Variants in UBR3 observed in about 807,000 individuals in gnomAD.
UBR3 encodes the protein ubiquitin protein ligase E3 component n-recognin 3.
UBR3 carries 85 observed loss-of-function variants against 243.2 expected under a neutral mutation model. The ratio of observed to expected loss-of-function variants is 0.35; its 90% CI spans 0.29 to 0.42. UBR3 has a LOEUF of 0.42. Among genes scored for constraint, UBR3 ranks in the 10% least tolerant of loss-of-function variants. The pLI, the probability that UBR3 is intolerant of heterozygous loss-of-function variation, is 1.00. For synonymous variants in UBR3, 748 were observed against 799.8 expected (o/e 0.94, Z 1.09); for missense variants, 1,686 against 2,300.8 (o/e 0.73, Z 5.47).
chr2:170,078,212 T>G (rs1574489553), intron 36 of UBR3: 1 of 502,478 alleles, frequency 2.0e-6, no homozygotes, highest in East Asian at 4.8e-5. Flanking sequence ...CTCTCAACTT[T>G]CCTTCTTTCC....
At chr2:169,835,652 G>A (rs2082060470) in intron 1 of UBR3, among the ~76,000 whole-genome samples, 2 of 152,030 alleles carry the variant, frequency 1.3e-5, no homozygotes, top group Non-Finnish European at 2.9e-5. Context: ...TATTGGTCAG[G>A]CTGGTCTGGA....
Position 169,953,385 on chromosome 2 carries a change from C to T in UBR3, c.3545+3320C>T, listed in dbSNP as rs991926533. ...AATGAGGATCCATTTCCAAGTACTT[C>T]ACCTTTAGACAAACTCAGCATCACT... On this transcript the variant is annotated intron_variant, in intron 23 of 38. Transcript: ENST00000272793. 2.0e-5 allele frequency among the ~76,000 whole-genome samples: 3 copies of T among 152,148 alleles called. No individual in the cohort carries two copies. The South Asian group carries it at 6.2e-4, about 31-fold the overall frequency.
chr2:170,070,991 T>C (rs767099419), intron 35 of UBR3, among the ~76,000 whole-genome samples: 3 of 152,140 alleles, frequency 2.0e-5, no homozygotes, highest in Non-Finnish European at 4.4e-5. Context: ...AGAGAATATA[T>C]ATGAATGGCC....
chr2:169,925,570 A>T (rs910579920), intron 13 of UBR3, 49 bp from the exon 14 acceptor site: 29 of 1,472,682 alleles, frequency 2.0e-5, no homozygotes, highest in Non-Finnish European at 2.6e-5. Context: ...AATATTTTGT[A>T]AAGATTGCAT....
At chr2:169,924,631 T>G (rs555319177) in intron 13 of UBR3, among the ~76,000 whole-genome samples, 3 of 152,330 alleles carry the variant, frequency 2.0e-5, no homozygotes, top group African/African-American at 7.2e-5. Flanking sequence ...GGCCAGCTTT[T>G]TATATACATT....
intron 11 of UBR3, among the ~76,000 whole-genome samples, chr2:169,917,001 A>G (rs1168911523): frequency 2.0e-5 from 3 of 151,968 alleles, no homozygotes; most frequent in Non-Finnish European, 4.4e-5. Flanking sequence ...TTTACCTCCC[A>G]GTGGCTTTAG....
At chr2:169,977,561 C>G (rs1288864681) in intron 24 of UBR3, among the ~76,000 whole-genome samples, 1 of 152,058 alleles carries the variant, frequency 6.6e-6, no homozygotes, top group Non-Finnish European at 1.5e-5. Context: ...TGTCAAATGT[C>G]CAAGGGCAGG....
At chr2:169,879,378 A>G (rs1395286199) in intron 5 of UBR3, among the ~76,000 whole-genome samples, 1 of 152,180 alleles carries the variant, frequency 6.6e-6, no homozygotes, top group Non-Finnish European at 1.5e-5. Flanking sequence ...AATTGATTTA[A>G]TACCTTAAAA....
At chr2:170,074,085 G>C (rs1260904823) in intron 36 of UBR3, among the ~76,000 whole-genome samples, 4 of 152,166 alleles carry the variant, frequency 2.6e-5, no homozygotes, top group African/African-American at 9.7e-5. Context: ...GGCTGTGTAT[G>C]CCATGGTTGG....
intron 30 of UBR3, among the ~76,000 whole-genome samples, chr2:170,018,481 T>C (rs907798669): frequency 1.3e-5 from 2 of 152,174 alleles, no homozygotes; most frequent in Non-Finnish European, 2.9e-5. Context: ...TTCAGGACCA[T>C]GTATTCAGCA....
intron 26 of UBR3, among the ~76,000 whole-genome samples, chr2:169,997,905 T>A (rs183116273): frequency 6.6e-6 from 1 of 152,154 alleles, no homozygotes; most frequent in Non-Finnish European, 1.5e-5. Context: ...AAGTTCTCAC[T>A]CCAGTCATGG....
At chr2:169,841,204 C>A (rs2082276224) in intron 1 of UBR3, among the ~76,000 whole-genome samples, 1 of 152,138 alleles carries the variant, frequency 6.6e-6, no homozygotes, top group South Asian at 2.1e-4. Flanking sequence ...TTATAAATTT[C>A]ATCTTCACCT....
chr2:169,958,957 A>G (rs1047797624), intron 24 of UBR3, among the ~76,000 whole-genome samples: 1 of 152,150 alleles, frequency 6.6e-6, no homozygotes, highest in Non-Finnish European at 1.5e-5. Flanking sequence ...TAAGATTAGC[A>G]TTAGAATTTA....
At chr2:169,914,269 T>A (rs1225739824) in intron 11 of UBR3, 123 bp downstream of exon 11, 2 of 433,990 alleles carry the variant, frequency 4.6e-6, no homozygotes, top group Non-Finnish European at 7.7e-6. Flanking sequence ...AAGGAAGTAA[T>A]GAACATATTA....
At chr2:169,856,510 GA>G (rs1559026004) in intron 1 of UBR3, among the ~76,000 whole-genome samples, 34 of 152,288 alleles carry the variant, frequency 2.2e-4, no homozygotes, top group Admixed American at 2.1e-3. Flanking sequence ...GTAGCGAGCC[GA>G]GATCACGCCA....
chr2:169,845,813 G>C (rs2082460939), intron 1 of UBR3, among the ~76,000 whole-genome samples: 1 of 151,962 alleles, frequency 6.6e-6, no homozygotes, highest in Non-Finnish European at 1.5e-5. Flanking sequence ...TGAACTGCTG[G>C]ACTCAAATGA....
chr2:170,042,247 C>G (rs1349581090), intron 32 of UBR3, among the ~76,000 whole-genome samples: 1 of 151,832 alleles, frequency 6.6e-6, no homozygotes, highest in African/African-American at 2.4e-5. Context: ...GTCTGGCTTC[C>G]TTCACTTAGC....
chr2:169,898,433 C>G (rs564649979), intron 8 of UBR3, among the ~76,000 whole-genome samples: 2 of 152,222 alleles, frequency 1.3e-5, no homozygotes, highest in South Asian at 4.1e-4. Flanking sequence ...TGCATTATAT[C>G]ACTTAACCAT....
intron 26 of UBR3, among the ~76,000 whole-genome samples, chr2:169,998,158 A>G (rs1054829403): frequency 6.8e-6 from 1 of 147,560 alleles, no homozygotes; most frequent in African/African-American, 2.6e-5. Context: ...TAATTACTTT[A>G]GAGTAAACAG....
Sources: allele counts gnomAD v4.1 joint callset (sites outside exome capture counted in the v4.1 genomes callset), GRCh38; gene constraint gnomAD v4.1.1; transcripts MANE v1.5; gene names NCBI Gene and HGNC (gene_info 2026-07-23, HGNC 2026-07-21).